The following DSCAM variants were observed in gnomAD, a reference collection of about 807,000 sequenced individuals.
DSCAM encodes the protein cell adhesion molecule DSCAM.
Under a neutral mutation model 217.7 loss-of-function variants are expected in DSCAM, and 47 were observed. The observed-to-expected ratio is 0.22, with a 90% CI of 0.17 to 0.28. The LOEUF (loss-of-function observed/expected upper bound fraction) is 0.28, where lower values mean the gene tolerates loss of function less well. Among genes scored for constraint, DSCAM ranks in the 10% least tolerant of loss-of-function variants. The pLI is 1.00. For missense variants in DSCAM, 2,080 were observed against 2,618.3 expected (o/e 0.79, Z 4.49); for synonymous variants, 1,056 against 1,015.3 (o/e 1.04, Z -0.76).
chr21:40,356,752 C>T (rs1317029658), intron 4 of DSCAM, among the ~76,000 whole-genome samples: 5 of 152,172 alleles, frequency 3.3e-5, no homozygotes, highest in East Asian at 1.9e-4. Flanking sequence ...AAACCAGCTT[C>T]TGGACTTATA....
chr21:40,224,080 TGAGAAAACCTTC>T (rs1211055805), intron 11 of DSCAM, among the ~76,000 whole-genome samples: 1 of 152,242 alleles, frequency 6.6e-6, no homozygotes, highest in African/African-American at 2.4e-5. Context: ...ACTAGGGAAT[TGAGAAAACCTTC>T]GGCTAGGTAT....
At chr21:40,440,254 T>C (rs1396940059) in intron 3 of DSCAM, among the ~76,000 whole-genome samples, 1 of 152,146 alleles carries the variant, frequency 6.6e-6, no homozygotes, top group African/African-American at 2.4e-5. Context: ...AGAAGGGTAA[T>C]CACAAATGTT....
chr21:40,155,410 G>T (rs968286903), intron 16 of DSCAM, among the ~76,000 whole-genome samples: 1 of 152,204 alleles, frequency 6.6e-6, no homozygotes, highest in African/African-American at 2.4e-5. Flanking sequence ...AACCCAAAGG[G>T]CTTTGGCCCA....
chr21:40,374,324 A>T (rs1256245046), intron 3 of DSCAM, among the ~76,000 whole-genome samples: 1 of 152,264 alleles, frequency 6.6e-6, no homozygotes, highest in Non-Finnish European at 1.5e-5. Flanking sequence ...TGAGCCAGAC[A>T]GGGAAGATCC....
chr21:40,104,666 C>T (rs1447111451), intron 20 of DSCAM, among the ~76,000 whole-genome samples: 1 of 152,092 alleles, frequency 6.6e-6, no homozygotes, highest in Non-Finnish European at 1.5e-5. Flanking sequence ...AAATGTACAA[C>T]CCCAAGAGTA....
chr21:40,093,974 A>C, intron 20 of DSCAM, 100 bp from the exon 21 acceptor site: 1 of 1,299,010 alleles, frequency 7.7e-7, no homozygotes, highest in South Asian at 1.5e-5. Context: ...ATCATAACAA[A>C]AAAACTCAAC....
chr21:40,079,151 G>A (rs1156927907), intron 25 of DSCAM, among the ~76,000 whole-genome samples, 174 bp from the exon 26 acceptor site: 1 of 152,218 alleles, frequency 6.6e-6, no homozygotes, highest in Non-Finnish European at 1.5e-5. Flanking sequence ...TGGACCAACA[G>A]GCTTTCTCCA....
intron 11 of DSCAM, among the ~76,000 whole-genome samples, chr21:40,236,813 C>T (rs1257522431): frequency 2.0e-5 from 3 of 152,168 alleles, no homozygotes; most frequent in Non-Finnish European, 4.4e-5. Flanking sequence ...ATAACCGAAA[C>T]AAAGATGTTT....
At chr21:40,433,767 T>C (rs1053271828) in intron 3 of DSCAM, among the ~76,000 whole-genome samples, 24 of 152,064 alleles carry the variant, frequency 1.6e-4, no homozygotes, top group Admixed American at 1.6e-3. Flanking sequence ...AGGTAGATGA[T>C]GTCACCTGAG....
intron 3 of DSCAM, among the ~76,000 whole-genome samples, chr21:40,545,839 C>T (rs1306485997): frequency 1.3e-5 from 2 of 152,204 alleles, no homozygotes; most frequent in African/African-American, 4.8e-5. Context: ...TGTAGCCCAG[C>T]CAGTCTGTCA....
intron 20 of DSCAM, among the ~76,000 whole-genome samples, chr21:40,095,025 G>A (rs530321708): frequency 2.6e-4 from 40 of 152,232 alleles, no homozygotes; most frequent in African/African-American, 8.2e-4. Context: ...AGACATACCC[G>A]AGACTAGGTA....
At chr21:40,064,979 G>A (rs1015242688) in intron 27 of DSCAM, among the ~76,000 whole-genome samples, 9 of 152,274 alleles carry the variant, frequency 5.9e-5, no homozygotes, top group Middle Eastern at 3.4e-3. Flanking sequence ...CCTGGGACTT[G>A]TTGAAAGCTT....
chr21:40,058,279 G>C (rs10470192), intron 28 of DSCAM, among the ~76,000 whole-genome samples: 39,769 of 152,028 alleles, frequency 0.26, 6,294 homozygotes, highest in East Asian at 0.49. Context: ...TTGCAAGGCT[G>C]GACTCAGATG....
chr21:40,358,924 A>C (rs918998156), intron 4 of DSCAM, among the ~76,000 whole-genome samples: 1 of 152,178 alleles, frequency 6.6e-6, no homozygotes, highest in East Asian at 1.9e-4. Context: ...AAAAATGCTT[A>C]TATCTCTATA....
intron 21 of DSCAM, among the ~76,000 whole-genome samples, chr21:40,089,156 C>T (rs2089571358): frequency 6.6e-6 from 1 of 152,218 alleles, no homozygotes; most frequent in South Asian, 2.1e-4. Context: ...AACCCCCATG[C>T]TATCGCTCAA....
At chr21:40,607,553 C>T (rs1262170049) in intron 3 of DSCAM, among the ~76,000 whole-genome samples, 2 of 152,012 alleles carry the variant, frequency 1.3e-5, no homozygotes, top group Non-Finnish European at 2.9e-5. Context: ...AATTGTACTG[C>T]CATAATTCCC....
At chr21:40,275,545 G>A (rs530331310) in intron 11 of DSCAM, among the ~76,000 whole-genome samples, 6 of 152,138 alleles carry the variant, frequency 3.9e-5, no homozygotes, top group East Asian at 1.9e-4. Context: ...TCATTATAAC[G>A]CACCTTTTTC....
chr21:40,022,561 C>T (rs747495774), intron 32 of DSCAM, among the ~76,000 whole-genome samples: 3 of 152,160 alleles, frequency 2.0e-5, no homozygotes, highest in East Asian at 1.9e-4. Flanking sequence ...AAGAGATGGT[C>T]CAATGGAACT....
At chr21:40,418,078 C>T (rs28459472) in intron 3 of DSCAM, among the ~76,000 whole-genome samples, 15,824 of 152,066 alleles carry the variant, frequency 0.1, 1,603 homozygotes, top group African/African-American at 0.26. Flanking sequence ...CATTGAAGTA[C>T]GATAGGGGAT....
Sources: gnomAD v4.1 joint callset for allele counts (sites outside exome capture counted in the v4.1 genomes callset) on GRCh38, gnomAD v4.1.1 for gene constraint, MANE v1.5 for transcripts, NCBI Gene and HGNC (gene_info 2026-07-23, HGNC 2026-07-21) for gene names.